The following KCNQ5 variants were observed in gnomAD, a reference collection of about 807,000 sequenced individuals.
KCNQ5 encodes potassium voltage-gated channel subfamily Q member 5.
A neutral mutation model predicts 98.2 loss-of-function variants in KCNQ5; 30 were observed. The ratio of observed to expected loss-of-function variants is 0.31; its 90% CI spans 0.23 to 0.41. The LOEUF (loss-of-function observed/expected upper bound fraction) is 0.41. KCNQ5 is among the 10% of genes least tolerant of loss of function. KCNQ5 has a pLI of 1.00. For missense variants in KCNQ5, 835 were observed against 1,182.5 expected (o/e 0.71, Z 4.31); for synonymous variants, 458 against 449.4 (o/e 1.02, Z -0.24).
intron 1 of KCNQ5, among the ~76,000 whole-genome samples, chr6:72,979,473 C>A (rs1177353500): frequency 6.6e-6 from 1 of 152,148 alleles, no homozygotes; most frequent in Non-Finnish European, 1.5e-5. Context: ...TAAATATCTT[C>A]TTTTGAGAAG....
intron 1 of KCNQ5, among the ~76,000 whole-genome samples, chr6:72,871,726 G>T (rs1426592325): frequency 2.0e-5 from 3 of 152,114 alleles, no homozygotes; most frequent in African/African-American, 4.8e-5. Flanking sequence ...CAAAGAAACT[G>T]CCCCAGGTTC....
At chr6:72,915,572 A>G (rs906960936) in intron 1 of KCNQ5, among the ~76,000 whole-genome samples, 1 of 152,170 alleles carries the variant, frequency 6.6e-6, no homozygotes, top group African/African-American at 2.4e-5. Context: ...AAATATTTAA[A>G]TTTTAGAAAA....
intron 1 of KCNQ5, chr6:72,987,141 G>A (rs1294523310): frequency 4.5e-6 from 3 of 661,152 alleles, no homozygotes; most frequent in Non-Finnish European, 8.3e-6. Flanking sequence ...TGGCCCTAAG[G>A]CCCCCGAGAA....
chr6:72,623,928 G>T (rs1565038584), intron 1 of KCNQ5, among the ~76,000 whole-genome samples: 2 of 152,208 alleles, frequency 1.3e-5, no homozygotes, highest in African/African-American at 2.4e-5. Context: ...GGCTGGTTTT[G>T]TAACTAGGTG....
chr6:73,121,364 G>T (rs1053764410), intron 8 of KCNQ5, among the ~76,000 whole-genome samples: 2 of 151,046 alleles, frequency 1.3e-5, no homozygotes, highest in African/African-American at 4.9e-5. Flanking sequence ...CTTAGTCTTG[G>T]AGTCTTGGAA....
chr6:72,927,590 C>G (rs1765485496), intron 1 of KCNQ5, among the ~76,000 whole-genome samples: 1 of 151,810 alleles, frequency 6.6e-6, no homozygotes. Context: ...GAAAATGGGT[C>G]AAGTAGATAA....
intron 8 of KCNQ5, among the ~76,000 whole-genome samples, chr6:73,121,227 C>T (rs1111877): frequency 0.94 from 142,485 of 152,158 alleles, 66,820 homozygotes; most frequent in South Asian, 0.99. Flanking sequence ...CATGCCTAAA[C>T]TCAAAGAAAA....
intron 1 of KCNQ5, among the ~76,000 whole-genome samples, chr6:72,909,089 A>G (rs1321995815): frequency 6.6e-6 from 1 of 152,202 alleles, no homozygotes; most frequent in Non-Finnish European, 1.5e-5. Flanking sequence ...CATCTTTGTG[A>G]TATTCTAAAT....
chr6:72,748,630 A>AT (rs1771524127), intron 1 of KCNQ5, among the ~76,000 whole-genome samples: 1 of 152,172 alleles, frequency 6.6e-6, no homozygotes, highest in Non-Finnish European at 1.5e-5. Flanking sequence ...TATGAGGCCC[A>AT]TGCTAAGAAA....
chr6:73,118,085 A>G (rs1488868041), intron 7 of KCNQ5, among the ~76,000 whole-genome samples: 1 of 152,208 alleles, frequency 6.6e-6, no homozygotes, highest in African/African-American at 2.4e-5. Context: ...TTGAAGTACA[A>G]TGTGCATGCA....
At chr6:72,736,631 C>G (rs1770860525) in intron 1 of KCNQ5, among the ~76,000 whole-genome samples, 1 of 147,418 alleles carries the variant, frequency 6.8e-6, no homozygotes, top group Non-Finnish European at 1.5e-5. Context: ...TCCCAAGTAG[C>G]TGGGACTACA....
At chr6:73,150,007 G>C (rs1255552396) in intron 10 of KCNQ5, among the ~76,000 whole-genome samples, 1 of 135,434 alleles carries the variant, frequency 7.4e-6, no homozygotes, top group Non-Finnish European at 1.7e-5. Flanking sequence ...CACCACAGGG[G>C]AAAAAAAAAA....
At chr6:72,807,837 A>T (rs1213651770) in intron 1 of KCNQ5, among the ~76,000 whole-genome samples, 1 of 152,220 alleles carries the variant, frequency 6.6e-6, no homozygotes, top group Non-Finnish European at 1.5e-5. Flanking sequence ...TGCTCTGTGC[A>T]AGAGGTTGAC....
chr6:73,067,389 CATG>C (rs942672969), intron 3 of KCNQ5, among the ~76,000 whole-genome samples: 1 of 151,888 alleles, frequency 6.6e-6, no homozygotes, highest in African/African-American at 2.4e-5. Context: ...TGAGAGTTAA[CATG>C]ATACCAGGCA....
intron 10 of KCNQ5, chr6:73,143,593 C>A (rs902187455): frequency 2.0e-5 from 3 of 152,192 alleles, no homozygotes; most frequent in Non-Finnish European, 4.4e-5. Flanking sequence ...TGTGTGTGCT[C>A]CATAGCGGCT....
chr6:73,065,190 A>G (rs1772993116), intron 3 of KCNQ5, among the ~76,000 whole-genome samples: 1 of 152,132 alleles, frequency 6.6e-6, no homozygotes, highest in Admixed American at 6.5e-5. Flanking sequence ...CTGCCCTTCA[A>G]ATAGTGCTCC....
At chr6:72,631,906 T>C (rs1253162956) in intron 1 of KCNQ5, among the ~76,000 whole-genome samples, 1 of 152,202 alleles carries the variant, frequency 6.6e-6, no homozygotes, top group African/African-American at 2.4e-5. Context: ...AATTCTTTTA[T>C]TCCTCCGAAT....
At chr6:72,950,513 A>G (rs1393997518) in intron 1 of KCNQ5, among the ~76,000 whole-genome samples, 1 of 152,206 alleles carries the variant, frequency 6.6e-6, no homozygotes, top group African/African-American at 2.4e-5. Context: ...TGCATGAATC[A>G]CAGGAACCAT....
chr6:72,876,910 C>T (rs1425254930), intron 1 of KCNQ5, among the ~76,000 whole-genome samples: 1 of 152,174 alleles, frequency 6.6e-6, no homozygotes, highest in African/African-American at 2.4e-5. Flanking sequence ...TACTTTCTTA[C>T]ATGGCAGAGC....
Sources: gnomAD v4.1 joint callset for allele counts (sites outside exome capture counted in the v4.1 genomes callset) on GRCh38, gnomAD v4.1.1 for gene constraint, MANE v1.5 for transcripts, NCBI Gene and HGNC (gene_info 2026-07-23, HGNC 2026-07-21) for gene names.